LY6S: variants seen among roughly 807,000 people sequenced by gnomAD.
LY6S encodes the protein lymphocyte antigen 6S.
chr8:143,058,827 A>G, the LY6S span, among the ~76,000 whole-genome samples: 2 of 152,330 alleles, frequency 1.3e-5, no homozygotes, highest in South Asian at 4.1e-4. Context: ...TGCTAGACCA[A>G]GGAGCCCTCT....
the LY6S span, among the ~76,000 whole-genome samples, chr8:143,043,645 A>T: frequency 6.3e-3 from 946 of 149,850 alleles, 25 homozygotes; most frequent in Admixed American, 0.052. Flanking sequence ...GCTTTTGGGA[A>T]ACAGCTGCGG....
At chr8:143,044,965 AGCCTGCAACTGGTG>A in the LY6S span, 14 of 653,500 alleles carry the variant, frequency 2.1e-5, no homozygotes, top group South Asian at 2.8e-4. Flanking sequence ...TGCAACTGGC[AGCCTGCAACTGGTG>A]GCCTGCAACC....
At chr8:143,046,636 A>T in the LY6S span, among the ~76,000 whole-genome samples, 1 of 152,114 alleles carries the variant, frequency 6.6e-6, no homozygotes, top group African/African-American at 2.4e-5. Context: ...TTGCTTTCTA[A>T]TCTCACAAGC....
chr8:143,054,741 C>T, the LY6S span, among the ~76,000 whole-genome samples: 5 of 152,204 alleles, frequency 3.3e-5, no homozygotes, highest in African/African-American at 1.2e-4. Context: ...GCGCGAGCCG[C>T]CTCTGAGCAG....
chr8:143,073,646 T>C, the LY6S span, among the ~76,000 whole-genome samples: 1 of 133,586 alleles, frequency 7.5e-6, no homozygotes, highest in Non-Finnish European at 1.5e-5. Flanking sequence ...CCGGGGCTCC[T>C]GTTTGAGAAG....
At chr8:143,049,782 C>A in the LY6S span, among the ~76,000 whole-genome samples, 2 of 152,232 alleles carry the variant, frequency 1.3e-5, no homozygotes, top group Non-Finnish European at 2.9e-5. Context: ...GACTTCACAC[C>A]ATCCAGGGCC....
At chr8:143,060,313 G>A in the LY6S span, among the ~76,000 whole-genome samples, 23 of 152,196 alleles carry the variant, frequency 1.5e-4, no homozygotes, top group South Asian at 2.1e-4. Context: ...AAGCCCGCCC[G>A]CAGTTATCTG....
the LY6S span, chr8:143,065,796 T>TTCCTTCC: frequency 2.8e-5 from 4 of 140,488 alleles, no homozygotes; most frequent in Non-Finnish European, 4.5e-5. Context: ...TCTTTCTTTC[T>TTCCTTCC]TTCTTTCTTT....
At chr8:143,057,192 C>A in the LY6S span, 1 of 327,186 alleles carries the variant, frequency 3.1e-6, no homozygotes, top group South Asian at 3.8e-5. Flanking sequence ...TGGTAATATT[C>A]CGGGACTGGC....
chr8:143,047,258 G>C, the LY6S span, among the ~76,000 whole-genome samples: 5 of 151,432 alleles, frequency 3.3e-5, no homozygotes, highest in Non-Finnish European at 7.4e-5. Context: ...TCCTGCCTCA[G>C]CCTCCGGAGT....
chr8:143,044,718 C>A, the LY6S span: 2 of 1,367,652 alleles, frequency 1.5e-6, no homozygotes, highest in Non-Finnish European at 2.0e-6. Flanking sequence ...AGACACAGAC[C>A]CCATCCAGGA....
At chr8:143,061,058 T>C in the LY6S span, among the ~76,000 whole-genome samples, 28 of 152,314 alleles carry the variant, frequency 1.8e-4, no homozygotes, top group Admixed American at 7.8e-4. Context: ...TAAATGAACT[T>C]ATTCTAATTT....
At chr8:143,066,174 T>TTTCTTTTCTTTTCTTTTCTC in the LY6S span, 2 of 323,430 alleles carry the variant, frequency 6.2e-6, no homozygotes, top group South Asian at 2.6e-5. Flanking sequence ...TTTCTTTTCT[T>TTTCTTTTCTTTTCTTTTCTC]TTCTTTTCTT....
the LY6S span, among the ~76,000 whole-genome samples, chr8:143,060,128 C>T: frequency 3.7e-4 from 57 of 152,338 alleles, no homozygotes; most frequent in African/African-American, 1.2e-3. Context: ...GACAAGAGTG[C>T]GAGCCTTCTG....
chr8:143,056,984 C>A, the LY6S span: 1 of 230,314 alleles, frequency 4.3e-6, no homozygotes, highest in African/African-American at 2.3e-5. Context: ...TATTGGAAGT[C>A]TTAGGAAAAG....
the LY6S span, among the ~76,000 whole-genome samples, chr8:143,045,846 C>G: frequency 2.3e-4 from 31 of 134,796 alleles, no homozygotes; most frequent in South Asian, 3.1e-3. This position sits in a 1 kb window ranked among gnomAD's most constrained non-coding sequence, Gnocchi z 5.3. Flanking sequence ...TGACTCCAGG[C>G]CAATTTACTC....
At chr8:143,044,038 A>C in the LY6S span, 2 of 429,858 alleles carry the variant, frequency 4.7e-6, no homozygotes, top group South Asian at 3.4e-5. Context: ...TGCAGCTCCG[A>C]GAGCTGAGGG....
At chr8:143,068,461 G>A in the LY6S span, among the ~76,000 whole-genome samples, 1 of 152,024 alleles carries the variant, frequency 6.6e-6, no homozygotes, top group African/African-American at 2.4e-5. Flanking sequence ...CCCACAACCT[G>A]CTTCCCCTTT....
At chr8:143,043,307 G>A in the LY6S span, 1 of 1,241,940 alleles carries the variant, frequency 8.1e-7, no homozygotes, top group Non-Finnish European at 1.1e-6. Context: ...GGCAGGAGAG[G>A]AGGGAGAGCT....
Sources: gnomAD v4.1 joint callset for allele counts (sites outside exome capture counted in the v4.1 genomes callset) on GRCh38, gnomAD v4.1.1 for gene constraint, Gnocchi (gnomAD v3.1) non-coding constraint, MANE v1.5 for transcripts, NCBI Gene and HGNC (gene_info 2026-07-23, HGNC 2026-07-21) for gene names.